The following KRABD3 variants were observed in gnomAD, a reference collection of about 807,000 sequenced individuals.
KRABD3 encodes the protein KRAB domain containing 3.
the KRABD3 span, among the ~76,000 whole-genome samples, chr7:149,716,205 G>T: frequency 1.3e-5 from 2 of 152,216 alleles, no homozygotes; most frequent in Non-Finnish European, 2.9e-5. Flanking sequence ...GGTTGGGAAG[G>T]ACTGTGAGAG....
the KRABD3 span, chr7:149,722,704 G>A: frequency 1.9e-3 from 2,882 of 1,523,200 alleles, 56 homozygotes; most frequent in African/African-American, 0.036. Flanking sequence ...TCAGCCGCCC[G>A]GAGACCTGAA....
At chr7:149,715,773 C>T in the KRABD3 span, among the ~76,000 whole-genome samples, 3 of 152,282 alleles carry the variant, frequency 2.0e-5, no homozygotes, top group East Asian at 1.9e-4. Flanking sequence ...GTCATTAGTG[C>T]CCCCAAGCAT....
the KRABD3 span, chr7:149,722,014 G>A: frequency 5.4e-6 from 2 of 373,214 alleles, no homozygotes; most frequent in Non-Finnish European, 1.0e-5. Flanking sequence ...AATTTATATG[G>A]AATAAAATTG....
the KRABD3 span, chr7:149,731,576 A>T: frequency 1.0e-6 from 1 of 953,042 alleles, no homozygotes; most frequent in Non-Finnish European, 1.6e-6. Flanking sequence ...ATCATTGTTT[A>T]AAAGTTGAGA....
chr7:149,728,397 C>G, the KRABD3 span: 2 of 1,109,022 alleles, frequency 1.8e-6, no homozygotes, highest in African/African-American at 3.1e-5. Context: ...ACTGACACGT[C>G]CAGTGCTCTG....
the KRABD3 span, chr7:149,719,884 G>A: frequency 1.6e-6 from 2 of 1,289,820 alleles, no homozygotes; most frequent in East Asian, 2.6e-5. This position sits in a 1 kb window ranked among gnomAD's most constrained non-coding sequence, Gnocchi z 5.6. Flanking sequence ...CCACTCTGCG[G>A]TTCTTTGAGT....
the KRABD3 span, chr7:149,729,509 CAG>C: frequency 9.5e-6 from 12 of 1,258,874 alleles, no homozygotes; most frequent in Non-Finnish European, 1.2e-5. Context: ...TGGTGCCAAA[CAG>C]AAACTGAGGT....
At chr7:149,715,165 G>C in the KRABD3 span, 1 of 1,227,270 alleles carries the variant, frequency 8.1e-7, no homozygotes, top group Non-Finnish European at 1.0e-6. Flanking sequence ...GGGATCGGCT[G>C]GGTGAGGCTG....
At chr7:149,722,201 G>A in the KRABD3 span, among the ~76,000 whole-genome samples, 1 of 152,120 alleles carries the variant, frequency 6.6e-6, no homozygotes, top group South Asian at 2.1e-4. Context: ...GCCAAATTCC[G>A]AGGCTGGGCT....
the KRABD3 span, among the ~76,000 whole-genome samples, chr7:149,717,467 A>G: frequency 1.3e-5 from 2 of 152,250 alleles, no homozygotes; most frequent in African/African-American, 4.8e-5. Flanking sequence ...CTGTTCCAAG[A>G]TGCTAGGAAG....
chr7:149,729,833 G>C, the KRABD3 span: 1 of 985,286 alleles, frequency 1.0e-6, no homozygotes, highest in East Asian at 1.1e-4. Flanking sequence ...GATGGCACCT[G>C]CCTGGTGGGA....
chr7:149,721,113 T>C, the KRABD3 span: 4 of 1,323,704 alleles, frequency 3.0e-6, no homozygotes, highest in Non-Finnish European at 4.1e-6. Flanking sequence ...AGTCACCTGC[T>C]GTTCCTCGTG....
At chr7:149,723,729 C>T in the KRABD3 span, 107 of 1,607,664 alleles carry the variant, frequency 6.7e-5, no homozygotes, top group Non-Finnish European at 8.2e-5. Context: ...TTCCTTTTTC[C>T]TTAGTGAAGA....
the KRABD3 span, chr7:149,721,526 C>T: frequency 1.2e-6 from 2 of 1,611,594 alleles, no homozygotes; most frequent in South Asian, 1.1e-5. Context: ...GGGAAGTCCT[C>T]TCCCCATCAG....
At chr7:149,733,650 A>T in the KRABD3 span, 2 of 1,588,482 alleles carry the variant, frequency 1.3e-6, no homozygotes, top group Non-Finnish European at 1.7e-6. Flanking sequence ...AGGGCTGGTG[A>T]CCTGCAAGGA....
At chr7:149,728,703 G>C in the KRABD3 span, 1 of 1,609,668 alleles carries the variant, frequency 6.2e-7, no homozygotes, top group Non-Finnish European at 8.5e-7. Flanking sequence ...GGCCCTGGGT[G>C]TAGACAGGGC....
the KRABD3 span, chr7:149,733,279 C>T: frequency 1.2e-6 from 2 of 1,612,536 alleles, no homozygotes; most frequent in Non-Finnish European, 1.7e-6. Flanking sequence ...CGGAGCTGCC[C>T]CCTCCGGAAG....
chr7:149,728,479 T>C, the KRABD3 span: 11 of 1,601,172 alleles, frequency 6.9e-6, no homozygotes, highest in South Asian at 1.1e-5. Context: ...TTTGCAGAGA[T>C]TGAGCTACAG....
At chr7:149,731,570 T>G in the KRABD3 span, 5 of 907,696 alleles carry the variant, frequency 5.5e-6, no homozygotes, top group East Asian at 2.7e-5. Context: ...CATTTAATCA[T>G]TGTTTAAAAG....
Sources: allele counts gnomAD v4.1 joint callset (sites outside exome capture counted in the v4.1 genomes callset), GRCh38; gene constraint gnomAD v4.1.1; non-coding constraint Gnocchi (gnomAD v3.1); transcripts MANE v1.5; gene names NCBI Gene and HGNC (gene_info 2026-07-23, HGNC 2026-07-21).